The following ADCY10 variants were observed in gnomAD, a reference collection of about 807,000 sequenced individuals.
ADCY10 encodes adenylate cyclase 10, also known as adenylate cyclase type 10.
Under a neutral mutation model 183.3 loss-of-function variants are expected in ADCY10, and 156 were observed. The observed-to-expected ratio is 0.85, with a 90% CI of 0.75 to 0.97. ADCY10 has a LOEUF of 0.97. ADCY10 is among the 50% of genes least tolerant of loss of function. The pLI is 0.00. For synonymous variants in ADCY10, 645 were observed against 670.0 expected, an observed-to-expected ratio of 0.96 and a Z score of 0.58; for missense variants, 1,745 against 1,934.3, an observed-to-expected ratio of 0.90 and a Z score of 1.84.
In ADCY10 at chr1:167,810,302, G is replaced by T. The variant is rs1662122116; in HGVS notation, c.4671+423C>A. Among the ~76,000 whole-genome samples the T allele has an allele frequency of 2.6e-5, 4 of 152,152 alleles. No homozygotes were observed. The South Asian group carries it at 6.2e-4, about 24-fold the overall frequency. ...CCCTTTCTGGTAAGAATCCAGAAAG[G>T]CCTATGGTGACTGCTATGGTCTGAA... On this transcript the variant is annotated intron_variant, in intron 32 of 32. Transcript: ENST00000367851.
At chr1:167,896,215 T>A (rs747172874) in intron 7 of ADCY10, among the ~76,000 whole-genome samples, 1 of 152,170 alleles carries the variant, frequency 6.6e-6, no homozygotes, top group African/African-American at 2.4e-5. Flanking sequence ...ATTTATTGGA[T>A]GAATAAATAA....
At chr1:167,863,024 A>C (rs1255756077) in intron 14 of ADCY10, among the ~76,000 whole-genome samples, 2 of 152,238 alleles carry the variant, frequency 1.3e-5, no homozygotes, top group African/African-American at 4.8e-5. Context: ...CCAGGGAAAA[A>C]TCCAAAGACC....
intron 9 of ADCY10, among the ~76,000 whole-genome samples, chr1:167,882,484 CAA>C (rs71100909): frequency 1.1e-4 from 8 of 71,152 alleles, no homozygotes; most frequent in African/African-American, 4.0e-4. Context: ...GATTCCGTCT[CAA>C]AAAAAAAAAA....
intron 8 of ADCY10, among the ~76,000 whole-genome samples, chr1:167,891,201 C>T (rs1668565491): frequency 6.6e-6 from 1 of 151,864 alleles, no homozygotes; most frequent in Admixed American, 6.6e-5. Flanking sequence ...ACCTGGTGAT[C>T]CACCCACCTC....
intron 9 of ADCY10, among the ~76,000 whole-genome samples, chr1:167,881,542 G>A (rs1486224156): frequency 6.6e-6 from 1 of 152,208 alleles, no homozygotes; most frequent in East Asian, 1.9e-4. Context: ...GAAGCAGGGA[G>A]CTTTTGCCTG....
chr1:167,850,697 G>GTGTGTGTGTGTGTGTGTGTGTGTA (rs1553267959), intron 18 of ADCY10, among the ~76,000 whole-genome samples: 2 of 142,260 alleles, frequency 1.4e-5, no homozygotes, highest in Admixed American at 7.0e-5. Context: ...GTGTGTGTGT[G>GTGTGTGTGTGTGTGTGTGTGTGTA]TGTGTGTGTG....
chr1:167,899,737 C>G, intron 5 of ADCY10, 109 bp from the exon 6 acceptor site: 1 of 993,948 alleles, frequency 1.0e-6, no homozygotes, highest in Non-Finnish European at 1.5e-6. Flanking sequence ...TATCTCAGAG[C>G]AAAATCTCAC....
chr1:167,905,097 C>G lies in ADCY10; in HGVS notation c.44G>C (p.Arg15Thr), dbSNP rs766565587. ...KEEFQDWPIV[R>T]IAAHLPDLIV... ...GAGGTCTGGTAAATGAGCTGCTATT[C>G]TGACTATGGGCCAGTCCTGGAATTC... The change falls in exon 2 of 33, where the codon AGA becomes ACA. Residue 15 changes from arginine (R) to threonine (T), a missense_variant. Coordinates refer to ENST00000367851, the MANE Select transcript of ADCY10 (RefSeq NM_018417.6). 6.2e-7 allele frequency: 1 copy of G among 1,614,216 alleles called. No individual in the cohort carries two copies. The highest frequency in any genetic ancestry group is 1.7e-5 in the Admixed American group (1 of 60,026).
chr1:167,852,441 C>T (rs1011224763), intron 18 of ADCY10, among the ~76,000 whole-genome samples: 5 of 150,414 alleles, frequency 3.3e-5, no homozygotes, highest in African/African-American at 1.2e-4. Context: ...GAGACTCTGT[C>T]TCAAAAAAAA....
chr1:167,891,137 T>A (rs1668560737), intron 8 of ADCY10, among the ~76,000 whole-genome samples: 1 of 151,998 alleles, frequency 6.6e-6, no homozygotes, highest in East Asian at 2.0e-4. Flanking sequence ...AATTTTTGTA[T>A]TTTTAGTAGA....
intron 7 of ADCY10, among the ~76,000 whole-genome samples, chr1:167,894,527 T>C (rs1278705067): frequency 1.3e-5 from 2 of 151,800 alleles, no homozygotes; most frequent in Non-Finnish European, 2.9e-5. Flanking sequence ...TGATAAGAGA[T>C]GGTAGGAATG....
At chr1:167,878,359 CA>C in intron 12 of ADCY10, 86 bp downstream of exon 12, 1 of 1,485,328 alleles carries the variant, frequency 6.7e-7, no homozygotes, top group Admixed American at 1.7e-5. Flanking sequence ...GAACTGGCTC[CA>C]AATCTTAAAT....
At chr1:167,824,946 A>G in intron 26 of ADCY10, 91 bp from the exon 27 acceptor site, 2 of 1,309,932 alleles carry the variant, frequency 1.5e-6, no homozygotes. Flanking sequence ...ATGTTTGTTT[A>G]TTAAGTTTGG....
At chr1:167,885,124 T>TC (rs147225153) in intron 8 of ADCY10, among the ~76,000 whole-genome samples, 44,616 of 149,216 alleles carry the variant, frequency 0.3, 6,657 homozygotes, top group Middle Eastern at 0.39. Flanking sequence ...CAGATCTCAT[T>TC]TTTTTTATGG....
intron 9 of ADCY10, among the ~76,000 whole-genome samples, chr1:167,881,649 C>A (rs1667875910): frequency 6.6e-6 from 1 of 152,234 alleles, no homozygotes; most frequent in African/African-American, 2.4e-5. Context: ...ATAGGCATTA[C>A]ACCAAGTGCC....
At chr1:167,896,734 T>A in intron 6 of ADCY10, 43 bp from the exon 7 acceptor site, 1 of 1,346,838 alleles carries the variant, frequency 7.4e-7, no homozygotes, top group Non-Finnish European at 1.1e-6. Flanking sequence ...TTCTGAGAAC[T>A]GTTTAATCCT....
intron 31 of ADCY10, among the ~76,000 whole-genome samples, chr1:167,815,715 G>C (rs1190596865): frequency 1.3e-5 from 2 of 152,152 alleles, no homozygotes; most frequent in Non-Finnish European, 2.9e-5. Flanking sequence ...CAGGGATGTT[G>C]AAATTATCAG....
chr1:167,853,071 A>T (rs1665615954), intron 18 of ADCY10, among the ~76,000 whole-genome samples: 1 of 152,206 alleles, frequency 6.6e-6, no homozygotes, highest in African/African-American at 2.4e-5. Context: ...CAGCAGCACC[A>T]TAAGTCCTTT....
intron 22 of ADCY10, 156 bp downstream of exon 22, chr1:167,837,093 A>C (rs779118817): frequency 1.3e-5 from 9 of 707,720 alleles, no homozygotes; most frequent in Non-Finnish European, 2.1e-5. Context: ...CCTAGTGTGG[A>C]TACTACTGAC....
Sources: allele counts gnomAD v4.1 joint callset (sites outside exome capture counted in the v4.1 genomes callset), GRCh38; gene constraint gnomAD v4.1.1; transcripts MANE v1.5; gene names NCBI Gene and HGNC (gene_info 2026-07-23, HGNC 2026-07-21).